The following XRN2 variants were observed in gnomAD, a reference collection of about 807,000 sequenced individuals.
The protein encoded by XRN2 is 5'-3' exoribonuclease 2, also known as DHM1-like protein.
Under a neutral mutation model 138.5 loss-of-function variants are expected in XRN2, and 44 were observed. The ratio of observed to expected loss-of-function variants is 0.32; its 90% CI spans 0.25 to 0.41. The LOEUF is 0.41. XRN2 is among the 10% of genes least tolerant of loss of function. The pLI, the probability that XRN2 is intolerant of heterozygous loss-of-function variation, is 1.00. For synonymous variants in XRN2, 354 were observed against 369.4 expected, an observed-to-expected ratio of 0.96 and a Z score of 0.48; for missense variants, 937 against 1,169.3, an observed-to-expected ratio of 0.80 and a Z score of 2.90.
intron 27 of XRN2, among the ~76,000 whole-genome samples, chr20:21,373,260 G>A (rs780595488): frequency 1.4e-4 from 22 of 152,126 alleles, no homozygotes; most frequent in Non-Finnish European, 1.9e-4. Context: ...TGCCCGCCTC[G>A]TTCTCACAAA....
intron 24 of XRN2, among the ~76,000 whole-genome samples, chr20:21,364,720 T>A (rs981496743): frequency 6.6e-6 from 1 of 151,260 alleles, no homozygotes; most frequent in African/African-American, 2.4e-5. Context: ...GGTGAGAGGA[T>A]CTCTGAGCCT....
chr20:21,380,545 A>C (rs2038872433), intron 27 of XRN2, among the ~76,000 whole-genome samples: 1 of 152,168 alleles, frequency 6.6e-6, no homozygotes, highest in Non-Finnish European at 1.5e-5. Context: ...AGGGTGGGGA[A>C]CTGTCTTCCT....
chr20:21,316,670 C>A (rs573586043), intron 1 of XRN2, among the ~76,000 whole-genome samples: 9 of 152,314 alleles, frequency 5.9e-5, no homozygotes, highest in African/African-American at 2.2e-4. Flanking sequence ...CAGTACCGCA[C>A]TGTCTTGATT....
chr20:21,389,235 G>A (rs372010705), intron 29 of XRN2, 38 bp from the exon 30 acceptor site: 228 of 1,572,944 alleles, frequency 1.4e-4, no homozygotes, highest in Admixed American at 1.9e-4. Context: ...CAGGAGTATC[G>A]GTCCAGAAAA....
intron 23 of XRN2, 70 bp downstream of exon 23, chr20:21,356,735 C>T: frequency 1.5e-6 from 2 of 1,304,506 alleles, no homozygotes; most frequent in Non-Finnish European, 2.1e-6. Flanking sequence ...TCCTTGTTGT[C>T]TAAATGTTTA....
chr20:21,337,502 G>A (rs1213252337), intron 13 of XRN2, among the ~76,000 whole-genome samples: 1 of 152,190 alleles, frequency 6.6e-6, no homozygotes, highest in Non-Finnish European at 1.5e-5. Context: ...GAGATGCTAA[G>A]TATGGAGAGG....
At chr20:21,315,973 C>A (rs774661640) in intron 1 of XRN2, among the ~76,000 whole-genome samples, 9 of 152,154 alleles carry the variant, frequency 5.9e-5, no homozygotes, top group Non-Finnish European at 1.0e-4. Context: ...AAAATTTTGT[C>A]CGGTTGTGGT....
chr20:21,339,803 T>C (rs759637265), intron 14 of XRN2, among the ~76,000 whole-genome samples: 6 of 152,204 alleles, frequency 3.9e-5, no homozygotes, highest in African/African-American at 7.2e-5. Context: ...CATAATGCTT[T>C]ATAGTCATTT....
chr20:21,353,315 C>G (rs1039433647), intron 20 of XRN2, among the ~76,000 whole-genome samples: 8 of 144,818 alleles, frequency 5.5e-5, no homozygotes, highest in African/African-American at 2.1e-4. Flanking sequence ...TGTAGTTTCC[C>G]CTTGATATAG....
At chr20:21,383,289 T>C (rs376001664) in intron 28 of XRN2, among the ~76,000 whole-genome samples, 9 of 152,318 alleles carry the variant, frequency 5.9e-5, no homozygotes, top group African/African-American at 2.2e-4. Context: ...ATTAAGTAAG[T>C]AAGGGGTAAA....
chr20:21,357,307 T>C (rs556226658), intron 23 of XRN2, among the ~76,000 whole-genome samples: 2 of 152,352 alleles, frequency 1.3e-5, no homozygotes, highest in African/African-American at 4.8e-5. Context: ...ATGGAACTGC[T>C]GGCCATAGAG....
intron 14 of XRN2, among the ~76,000 whole-genome samples, chr20:21,340,365 A>T (rs1432871298): frequency 6.6e-6 from 1 of 152,156 alleles, no homozygotes; most frequent in Non-Finnish European, 1.5e-5. Flanking sequence ...TTTTAAACCT[A>T]AATTATTTTG....
At chr20:21,318,219 G>A (rs1053668513) in intron 1 of XRN2, among the ~76,000 whole-genome samples, 3 of 151,974 alleles carry the variant, frequency 2.0e-5, no homozygotes. Flanking sequence ...GACTATTCAT[G>A]GTATTTCTTT....
chr20:21,366,926 T>C (rs1376148994), intron 26 of XRN2, among the ~76,000 whole-genome samples: 1 of 152,246 alleles, frequency 6.6e-6, no homozygotes, highest in Non-Finnish European at 1.5e-5. Flanking sequence ...TTTTTCTGAC[T>C]CTTACTTCAA....
chr20:21,377,264 C>CTTTTTTTTCTTTTTTTTTTT (rs2038834045), intron 27 of XRN2, among the ~76,000 whole-genome samples: 1 of 82,784 alleles, frequency 1.2e-5, no homozygotes, highest in Non-Finnish European at 2.1e-5. Flanking sequence ...TCGGTTTTTT[C>CTTTTTTTTCTTTTTTTTTTT]TTTTTTTTTT....
chr20:21,323,241 C>T (rs1385683433), intron 1 of XRN2, among the ~76,000 whole-genome samples: 1 of 152,208 alleles, frequency 6.6e-6, no homozygotes, highest in Non-Finnish European at 1.5e-5. Flanking sequence ...AGGTATCACT[C>T]ATCATTTCTC....
chr20:21,386,523 C>T (rs2038938218), intron 28 of XRN2, among the ~76,000 whole-genome samples: 1 of 152,172 alleles, frequency 6.6e-6, no homozygotes, highest in Non-Finnish European at 1.5e-5. Context: ...CATGTTTACT[C>T]TTTGGATAGC....
intron 1 of XRN2, among the ~76,000 whole-genome samples, chr20:21,323,554 C>T (rs1406920013): frequency 1.3e-5 from 2 of 152,158 alleles, no homozygotes; most frequent in African/African-American, 2.4e-5. Context: ...TCAGAGTCTT[C>T]TCTTGATGAA....
At chr20:21,365,367 G>A (rs2038681420) in intron 24 of XRN2, 54 bp from the exon 25 acceptor site, 2 of 1,567,860 alleles carry the variant, frequency 1.3e-6, no homozygotes, top group Non-Finnish European at 1.7e-6. Context: ...CAGTCTACAT[G>A]ATAAGACAGG....
Sources: gnomAD v4.1 joint callset for allele counts (sites outside exome capture counted in the v4.1 genomes callset) on GRCh38, gnomAD v4.1.1 for gene constraint, MANE v1.5 for transcripts, NCBI Gene and HGNC (gene_info 2026-07-23, HGNC 2026-07-21) for gene names.